CTNNA2: variants seen among roughly 807,000 people sequenced by gnomAD.
CTNNA2 encodes the protein catenin alpha 2.
Under a neutral mutation model 101.0 loss-of-function variants are expected in CTNNA2, and 42 were observed. That is an observed-to-expected ratio of 0.42 (90% CI 0.32 to 0.54). The LOEUF (loss-of-function observed/expected upper bound fraction) is 0.54, where lower values mean the gene tolerates loss of function less well. Ranked by LOEUF, CTNNA2 falls within the 20% of genes least tolerant of loss-of-function variation. The pLI is 0.14. For missense variants in CTNNA2, 871 were observed against 1,223.1 expected, an observed-to-expected ratio of 0.71 and a Z score of 4.29; for synonymous variants, 450 against 456.4, an observed-to-expected ratio of 0.99 and a Z score of 0.18.
At chr2:80,055,510 G>T (rs1697161305) in intron 7 of CTNNA2, among the ~76,000 whole-genome samples, 1 of 152,148 alleles carries the variant, frequency 6.6e-6, no homozygotes, top group Non-Finnish European at 1.5e-5. Flanking sequence ...CCACGAAGTT[G>T]ATTATTATTA....
chr2:80,157,977 T>C (rs1257675245), intron 7 of CTNNA2, among the ~76,000 whole-genome samples: 1 of 152,166 alleles, frequency 6.6e-6, no homozygotes. Flanking sequence ...CATCATATTG[T>C]TTTTATTTGT....
At chr2:79,440,143 A>G (rs1253723123) in intron 4 of CTNNA2, among the ~76,000 whole-genome samples, 1 of 152,140 alleles carries the variant, frequency 6.6e-6, no homozygotes, top group Non-Finnish European at 1.5e-5. Flanking sequence ...TAAGAGTTAA[A>G]ATAACCTTAC....
At chr2:80,259,071 A>C (rs1254388467) in intron 7 of CTNNA2, among the ~76,000 whole-genome samples, 1 of 152,042 alleles carries the variant, frequency 6.6e-6, no homozygotes, top group African/African-American at 2.4e-5. Flanking sequence ...CCCAGCCTTT[A>C]TGTTGTTCGT....
chr2:80,281,350 CTTCTG>C (rs2149160775), intron 7 of CTNNA2, among the ~76,000 whole-genome samples: 1 of 152,156 alleles, frequency 6.6e-6, no homozygotes, highest in East Asian at 1.9e-4. Context: ...AAAAGGTCAG[CTTCTG>C]AGGGTTTAAT....
At chr2:80,227,049 G>A (rs141773241) in intron 7 of CTNNA2, among the ~76,000 whole-genome samples, 14 of 152,338 alleles carry the variant, frequency 9.2e-5, no homozygotes, top group African/African-American at 2.6e-4. Flanking sequence ...AGGATTGCAT[G>A]GGCACAGCTG....
At chr2:79,270,006 T>A (rs1675042792) in intron 2 of CTNNA2, among the ~76,000 whole-genome samples, 1 of 152,048 alleles carries the variant, frequency 6.6e-6, no homozygotes, top group Non-Finnish European at 1.5e-5. Context: ...TAACAAAACT[T>A]TGTCTTCTTG....
At chr2:79,969,303 T>G (rs1257747439) in intron 7 of CTNNA2, among the ~76,000 whole-genome samples, 1 of 152,248 alleles carries the variant, frequency 6.6e-6, no homozygotes. Flanking sequence ...CTAAGCCAAC[T>G]ATTTCTTGTG....
intron 7 of CTNNA2, among the ~76,000 whole-genome samples, chr2:80,258,228 G>A (rs1417306652): frequency 6.6e-6 from 1 of 152,154 alleles, no homozygotes; most frequent in Admixed American, 6.5e-5. Context: ...TGGGCAGAAT[G>A]ACAGTCAATT....
intron 1 of CTNNA2, among the ~76,000 whole-genome samples, chr2:79,563,748 T>C (rs531237346): frequency 1.1e-4 from 17 of 152,326 alleles, no homozygotes; most frequent in Admixed American, 5.9e-4. Flanking sequence ...CTCATAATTA[T>C]GTTATGTGGA....
intron 2 of CTNNA2, among the ~76,000 whole-genome samples, chr2:79,657,131 G>C (rs1202748460): frequency 6.6e-6 from 1 of 151,774 alleles, no homozygotes; most frequent in African/African-American, 2.4e-5. Flanking sequence ...GAATGCAAAT[G>C]TAAAAATGGC....
intron 7 of CTNNA2, among the ~76,000 whole-genome samples, chr2:80,248,998 G>A (rs1313789373): frequency 6.6e-6 from 1 of 152,166 alleles, no homozygotes; most frequent in Non-Finnish European, 1.5e-5. Flanking sequence ...TCAGGTGGCA[G>A]AGCCTGATTT....
chr2:80,619,289 G>T, intron 18 of CTNNA2, 61 bp downstream of exon 18: 2 of 1,384,502 alleles, frequency 1.4e-6, no homozygotes, highest in Non-Finnish European at 9.5e-7. Context: ...CTGAAGGCAG[G>T]GGGGATTGGA....
intron 7 of CTNNA2, among the ~76,000 whole-genome samples, chr2:80,285,411 T>C (rs1238248856): frequency 6.6e-6 from 1 of 152,176 alleles, no homozygotes; most frequent in African/African-American, 2.4e-5. Flanking sequence ...AAAGTCAGTG[T>C]CATACTCAAA....
intron 3 of CTNNA2, among the ~76,000 whole-genome samples, chr2:79,750,940 A>G (rs1337441454): frequency 6.6e-6 from 1 of 152,106 alleles, no homozygotes; most frequent in Non-Finnish European, 1.5e-5. Flanking sequence ...TTAAAATATT[A>G]TGGATAGATA....
In CTNNA2 at chr2:79,824,933, G is replaced by A. The variant is rs532674076; in HGVS notation, c.299-33080G>A. Among the ~76,000 whole-genome samples, 11 of 152,274 alleles carry A rather than the reference G, an allele frequency of 7.2e-5. No individual in the cohort carries two copies. In the South Asian group the frequency reaches 1.7e-3, roughly 23 times the overall value. The stretch of plus-strand genomic sequence containing the variant: ...GTGCCAGGCATAGTAGTTCACACCT[G>A]TAATCCCAGCACTTAGGGAAGCTGA... On this transcript the variant is annotated intron_variant, in intron 3 of 18. Coordinates refer to ENST00000402739, the MANE Select transcript of CTNNA2 (RefSeq NM_001282597.3).
chr2:80,218,186 AC>A (rs1453569917), intron 7 of CTNNA2, among the ~76,000 whole-genome samples: 1 of 152,150 alleles, frequency 6.6e-6, no homozygotes, highest in Non-Finnish European at 1.5e-5. Flanking sequence ...TCTCTTGACT[AC>A]CCATAAGTCT....
rs192427983 is a variant in CTNNA2 at position 79,638,882 on chromosome 2, T to C, written c.-5-12670T>C. The stretch of plus-strand genomic sequence containing the variant: ...TGAAAATAGCTCTTAAATATCTGCA[T>C]TTCTTTCTTTATATCATGATTACTT... On this transcript the variant is annotated intron_variant, in intron 1 of 18. Transcript: ENST00000402739. Among the ~76,000 whole-genome samples, 296 of 152,354 alleles carry C rather than the reference T, an allele frequency of 1.9e-3. 1 individual carries two copies. The highest frequency in any genetic ancestry group is 4.1e-3 in the Admixed American group (63 of 15,302).
chr2:80,001,165 T>C, intron 7 of CTNNA2, among the ~76,000 whole-genome samples: 1 of 152,222 alleles, frequency 6.6e-6, no homozygotes, highest in East Asian at 1.9e-4. Flanking sequence ...TATCAGTAAT[T>C]AATTGGTGGT....
At chr2:80,014,477 T>C (rs566218629) in intron 7 of CTNNA2, among the ~76,000 whole-genome samples, 2 of 152,278 alleles carry the variant, frequency 1.3e-5, no homozygotes, top group South Asian at 4.1e-4. Context: ...TAACTCTTGA[T>C]GTTTTTCAAA....
Sources: allele counts gnomAD v4.1 joint callset (sites outside exome capture counted in the v4.1 genomes callset), GRCh38; gene constraint gnomAD v4.1.1; transcripts MANE v1.5; gene names NCBI Gene and HGNC (gene_info 2026-07-23, HGNC 2026-07-21).